Variants in BIN1 observed in about 807,000 individuals in gnomAD.
The protein encoded by BIN1 is myc box-dependent-interacting protein 1.
BIN1 carries 53 observed loss-of-function variants against 82.0 expected under a neutral mutation model. That is an observed-to-expected ratio of 0.65 (90% CI 0.52 to 0.81). The LOEUF (loss-of-function observed/expected upper bound fraction) is 0.81, where lower values mean the gene tolerates loss of function less well. BIN1 is among the 40% of genes least tolerant of loss of function. The pLI is 0.00. For synonymous variants in BIN1, 302 were observed against 328.0 expected (o/e 0.92, Z 0.86); for missense variants, 642 against 784.4 (o/e 0.82, Z 2.17).
chr2:127,077,091 G>A (rs554638386), intron 1 of BIN1, among the ~76,000 whole-genome samples: 3 of 152,184 alleles, frequency 2.0e-5, no homozygotes, highest in Non-Finnish European at 2.9e-5. Context: ...CAGGGGAGGG[G>A]CCAAGCAGGA....
rs1333034187 is a variant in BIN1, at chr2:127,082,876, A to G, written c.85-6170T>C. 6.6e-6 allele frequency among the ~76,000 whole-genome samples: 1 copy of G among 151,634 alleles called. No individual in the cohort carries two copies. Among genetic ancestry groups the G allele is most frequent in the East Asian group, 1.9e-4 (1 of 5,130 alleles). ...TAGGTGCCATGCAGGAGGCCACAGC[A>G]GCCCTGACGAGAGAGCAGAGGGAGG... On this transcript the variant is annotated intron_variant, in intron 1 of 18. Transcript: ENST00000316724. This position sits in a 1 kb window ranked among gnomAD's most constrained non-coding sequence, Gnocchi z 6.1.
rs903119247 is a variant in BIN1, at chr2:127,067,993, C to G, written c.612+170G>C. Among the ~76,000 whole-genome samples the G allele has an allele frequency of 1.5e-4, 23 of 152,258 alleles. No homozygotes were observed. The highest frequency in any genetic ancestry group is 5.5e-4 in the African/African-American group (23 of 41,556). ...AGCCCCTCAGCCGGTTCTTTGACCC[C>G]TACATTTGACTTCAGGTCTCCTCTG... On this transcript the variant is annotated intron_variant, in intron 7 of 18. Transcript: ENST00000316724. The surrounding 1 kb of genome is among the most constrained non-coding windows in gnomAD (Gnocchi z 4.7).
intron 1 of BIN1, among the ~76,000 whole-genome samples, chr2:127,077,429 G>A (rs6750960): frequency 0.16 from 24,138 of 152,144 alleles, 2,006 homozygotes; most frequent in South Asian, 0.25. Context: ...CACGATGAGT[G>A]GCAGGGGGAG....
Position 127,081,937 on chromosome 2 carries a change from G to A in BIN1, c.85-5231C>T, listed in dbSNP as rs61525314. 0.16 allele frequency: 202,805 copies of A among 1,247,792 alleles called. 17,221 individuals carry two copies. The highest frequency in any genetic ancestry group is 0.24 in the South Asian group (18,079 of 76,468). The allele number at this position is 1,247,792 out of a possible 1,614,324, so 77.3% of individuals were successfully genotyped here. A position where few individuals can be genotyped will look rare whatever the true frequency, so the allele number is the denominator to read the frequency against. The stretch of plus-strand genomic sequence containing the variant: ...GCAGAGCCTGCGGTCGGGGGCCACG[G>A]AGGCAGGATGCACACCCTCGTGCCC... On this transcript the variant is annotated intron_variant, in intron 1 of 18. Coordinates refer to ENST00000316724, the MANE Select transcript of BIN1 (RefSeq NM_139343.3).
rs780918654 is a variant in BIN1 at position 127,051,176 on chromosome 2, G to T, written c.1439C>A (p.Thr480Lys). Residue 480 changes from threonine to lysine, a missense_variant, in exon 16 of 19, where the codon ACG becomes AAG. Coordinates refer to ENST00000316724, the MANE Select transcript of BIN1 (RefSeq NM_139343.3). ...PAAGAQEPGE[T>K]AASEAASSSL... is the part of the protein sequence containing the mutation. ...TACGGAGGCTGCTTCACTTGCCGCC[G>T]TCTCCCCTGGCTCCTGGGCTCCAGC... The T allele has an allele frequency of 3.7e-6, 6 of 1,613,396 alleles. No homozygotes were observed. Among genetic ancestry groups the T allele is most frequent in the Non-Finnish European group, 5.1e-6 (6 of 1,179,914 alleles).
At chr2:127,058,977 G>C in intron 11 of BIN1, 34 bp downstream of exon 11, 2 of 1,552,242 alleles carry the variant, frequency 1.3e-6, no homozygotes, top group Non-Finnish European at 1.7e-6. Context: ...AAGGAGGGAG[G>C]GCAGGGGACC....
At chr2:127,069,155 C>A (rs1173461322) in intron 5 of BIN1, 124 bp from the exon 6 acceptor site, 5 of 876,946 alleles carry the variant, frequency 5.7e-6, no homozygotes, top group African/African-American at 1.7e-5. Context: ...AACCCTTGAG[C>A]CCTTGTTGCT....
intron 7 of BIN1, among the ~76,000 whole-genome samples, chr2:127,065,118 T>G (rs1366292795): frequency 5.9e-5 from 9 of 152,202 alleles, no homozygotes; most frequent in Admixed American, 2.6e-4. Flanking sequence ...CCCAGCCAGC[T>G]GTCCCATCCA....
intron 9 of BIN1, among the ~76,000 whole-genome samples, chr2:127,062,653 T>G (rs1016068154): frequency 1.3e-5 from 2 of 152,246 alleles, no homozygotes; most frequent in African/African-American, 4.8e-5. Context: ...TTACTGAGAA[T>G]ATTCCTCTCT....
chr2:127,095,745 A>T (rs1332848089), intron 1 of BIN1, among the ~76,000 whole-genome samples: 1 of 152,210 alleles, frequency 6.6e-6, no homozygotes, highest in East Asian at 1.9e-4. Flanking sequence ...CATCTGCCAG[A>T]TGGGGCCATG....
Position 127,057,406 on chromosome 2 carries a change from T to C in BIN1, c.1131+67A>G, listed in dbSNP as rs906677081. The C allele has an allele frequency of 1.4e-5, 21 of 1,480,168 alleles. No individual in the cohort carries two copies. The highest frequency in any genetic ancestry group is 1.4e-4 in the Admixed American group (6 of 43,788). The allele number at this position is 1,480,168 out of a possible 1,614,324, so 91.7% of individuals were successfully genotyped here. ...GCTCTTGAGACAGAAGCATAGAGGA[T>C]GAAGGCCATGCACGCCCTGAGAGGG... is the stretch of plus-strand genomic sequence containing the variant. On this transcript the variant is annotated intron_variant, in intron 12 of 18. Coordinates refer to ENST00000316724, the MANE Select transcript of BIN1 (RefSeq NM_139343.3). The surrounding 1 kb of genome is among the most constrained non-coding windows in gnomAD (Gnocchi z 5.0).
intron 14 of BIN1, chr2:127,053,114 C>T (rs1009731286): frequency 1.5e-5 from 7 of 482,416 alleles, no homozygotes; most frequent in East Asian, 3.9e-5. Context: ...CCTGGGTGAC[C>T]GGCCCACTTC....
chr2:127,073,423 C>T (rs973179378), intron 2 of BIN1, among the ~76,000 whole-genome samples: 1 of 152,226 alleles, frequency 6.6e-6, no homozygotes, highest in South Asian at 2.1e-4. Flanking sequence ...GAGCCACTGC[C>T]CACCTCAGCC....
chr2:127,090,508 C>T lies in BIN1; in HGVS notation c.85-13802G>A, dbSNP rs1277901703. The stretch of plus-strand genomic sequence containing the variant: ...CCAGCCCTCCGCCCATCTGTCCCTC[C>T]ACACAAGTGCGGGTGCTATTCTCAG... On this transcript the variant is annotated intron_variant, in intron 1 of 18. Coordinates refer to ENST00000316724, the MANE Select transcript of BIN1 (RefSeq NM_139343.3). The surrounding 1 kb of genome is among the most constrained non-coding windows in gnomAD (Gnocchi z 6.4). Among the ~76,000 whole-genome samples the T allele has an allele frequency of 6.6e-6, 1 of 152,254 alleles. No individual in the cohort carries two copies. The highest frequency in any genetic ancestry group is 1.5e-5 in the Non-Finnish European group (1 of 68,054).
chr2:127,064,978 C>T (rs908795424), intron 7 of BIN1: 10 of 152,282 alleles, frequency 6.6e-5, no homozygotes, highest in African/African-American at 2.4e-4. Flanking sequence ...CAGGCCCCGC[C>T]TAGGGAAACT....
intron 1 of BIN1, among the ~76,000 whole-genome samples, chr2:127,091,066 C>T (rs1358452993): frequency 6.6e-6 from 1 of 152,210 alleles, no homozygotes; most frequent in African/African-American, 2.4e-5. Context: ...GACACTGGAA[C>T]TAGTAAATGG....
At chr2:127,071,264 G>C (rs1302756422) in intron 2 of BIN1, among the ~76,000 whole-genome samples, 1 of 152,184 alleles carries the variant, frequency 6.6e-6, no homozygotes, top group African/African-American at 2.4e-5. Flanking sequence ...TGCTCCACAA[G>C]CTCAGGTGGT....
At chr2:127,103,185 T>C (rs894156420) in intron 1 of BIN1, among the ~76,000 whole-genome samples, 6 of 152,148 alleles carry the variant, frequency 3.9e-5, no homozygotes, top group African/African-American at 1.4e-4. Flanking sequence ...CATTGTCCTT[T>C]CTATTACAGG....
chr2:127,106,517 C>T (rs1236547167), intron 1 of BIN1, among the ~76,000 whole-genome samples: 3 of 152,158 alleles, frequency 2.0e-5, no homozygotes, highest in Admixed American at 2.0e-4. Flanking sequence ...CCCAGCCTCC[C>T]GGCCCTTGGC....
Sources: allele counts gnomAD v4.1 joint callset (sites outside exome capture counted in the v4.1 genomes callset), GRCh38; gene constraint gnomAD v4.1.1; non-coding constraint Gnocchi (gnomAD v3.1); transcripts MANE v1.5; gene names NCBI Gene and HGNC (gene_info 2026-07-23, HGNC 2026-07-21).